Variants in SAMD8 observed in about 807,000 individuals in gnomAD.
The protein encoded by SAMD8 is sphingomyelin synthase-related protein 1.
A neutral mutation model predicts 42.0 loss-of-function variants in SAMD8; 20 were observed. That is an observed-to-expected ratio of 0.48 (90% CI 0.34 to 0.69). The LOEUF is 0.69. SAMD8 is among the 30% of genes least tolerant of loss of function. The pLI is 0.01. For missense variants in SAMD8, 328 were observed against 511.6 expected (o/e 0.64, Z 3.46); for synonymous variants, 162 against 173.0 (o/e 0.94, Z 0.50).
intron 1 of SAMD8, among the ~76,000 whole-genome samples, chr10:75,104,255 A>G (rs1848357619): frequency 6.6e-6 from 1 of 152,106 alleles, no homozygotes; most frequent in Non-Finnish European, 1.5e-5. Context: ...AGAGATGAGG[A>G]GGTAGATTTG....
chr10:75,122,405 C>T (rs1158978631), intron 1 of SAMD8, among the ~76,000 whole-genome samples: 1 of 151,736 alleles, frequency 6.6e-6, no homozygotes, highest in Admixed American at 6.6e-5. Context: ...TGAGGTCAGG[C>T]ATTCGAGACC....
At chr10:75,172,328 G>A (rs1840887108) in intron 4 of SAMD8, among the ~76,000 whole-genome samples, 1 of 151,930 alleles carries the variant, frequency 6.6e-6, no homozygotes, top group Non-Finnish European at 1.5e-5. Context: ...AGATTTTATT[G>A]TATTTTAGTC....
intron 1 of SAMD8, 95 bp downstream of exon 1, chr10:75,111,817 G>A (rs1347915374): frequency 8.2e-7 from 1 of 1,225,698 alleles, no homozygotes; most frequent in African/African-American, 1.6e-5. Flanking sequence ...GGGCTGCCGA[G>A]GGACCGCGAC....
intron 1 of SAMD8, among the ~76,000 whole-genome samples, chr10:75,133,335 G>A (rs541795934): frequency 1.4e-4 from 21 of 152,058 alleles, no homozygotes; most frequent in African/African-American, 3.6e-4. Flanking sequence ...CCTGACAAGC[G>A]GTGGTTGCAG....
intron 1 of SAMD8, among the ~76,000 whole-genome samples, chr10:75,135,783 G>A (rs980105149): frequency 5.9e-5 from 9 of 151,440 alleles, no homozygotes; most frequent in African/African-American, 1.9e-4. Context: ...CTGAGATCGC[G>A]CCACTACACT....
At position 75,180,862 on chromosome 10, in the gene SAMD8, T is replaced by C. The variant is rs1841070612; in HGVS notation, c.*4170T>C. On this transcript the variant is annotated 3_prime_UTR_variant, in exon 6 of 6. Transcript: ENST00000542569. Reference sequence around the variant, plus strand: ...TTACTCATGTATTCACAAAGTCATATTTATAACACTAGTCTTCTTTGACTG... The same window carrying C: ...TTACTCATGTATTCACAAAGTCATACTTATAACACTAGTCTTCTTTGACTG... The C allele has an allele frequency of 6.6e-6, 1 of 152,226 alleles. No individual in the cohort carries two copies. Among genetic ancestry groups the C allele is most frequent in the African/African-American group, 2.4e-5 (1 of 41,456 alleles). 9.4% of individuals were successfully genotyped at this position (152,226 alleles called of 1,614,324 possible). A position where few individuals can be genotyped will look rare whatever the true frequency, so the allele number is the denominator to read the frequency against.
chr10:75,102,361 T>C (rs1848221822), intron 1 of SAMD8, among the ~76,000 whole-genome samples: 1 of 151,830 alleles, frequency 6.6e-6, no homozygotes, highest in African/African-American at 2.4e-5. Flanking sequence ...GAGAATGGCG[T>C]GAACCCGGGA....
chr10:75,150,300 T>C, intron 1 of SAMD8: 1 of 193,468 alleles, frequency 5.2e-6, no homozygotes, highest in Non-Finnish European at 8.0e-6. Context: ...TTTTTTTTTT[T>C]GGTAGAGATA....
intron 1 of SAMD8, among the ~76,000 whole-genome samples, chr10:75,129,393 A>T (rs1397987814): frequency 6.6e-6 from 1 of 152,096 alleles, no homozygotes; most frequent in Non-Finnish European, 1.5e-5. Flanking sequence ...GGCATGCACC[A>T]CCACACCCAG....
intron 1 of SAMD8, among the ~76,000 whole-genome samples, chr10:75,105,072 A>G (rs1471165566): frequency 6.6e-6 from 1 of 152,166 alleles, no homozygotes; most frequent in Non-Finnish European, 1.5e-5. Flanking sequence ...AAGGAGTTGT[A>G]GAGGAAGCAG....
chr10:75,161,417 A>G (rs1272777670), intron 2 of SAMD8, among the ~76,000 whole-genome samples: 16 of 152,136 alleles, frequency 1.1e-4, no homozygotes, highest in Admixed American at 1.0e-3. Context: ...GCGCACCCTG[A>G]GTGCGCAGAG....
chr10:75,134,042 C>T lies in SAMD8; in HGVS notation c.-15-16472C>T, dbSNP rs148608629. ...GCTGCAGTGAACATACGTGTGCATG[C>T]ATCTTTATAATAGAATGATTTATAT... On this transcript the variant is annotated intron_variant, in intron 1 of 5. Coordinates refer to ENST00000542569, the MANE Select transcript of SAMD8 (RefSeq NM_001174156.2). Among the ~76,000 whole-genome samples, 1,410 of 152,186 alleles carry T rather than the reference C, an allele frequency of 9.3e-3. 16 individuals carry two copies. Among genetic ancestry groups the T allele is most frequent in the African/African-American group, 0.032 (1,314 of 41,510 alleles).
intron 1 of SAMD8, among the ~76,000 whole-genome samples, chr10:75,117,987 CT>C (rs1437876461): frequency 1.3e-5 from 2 of 152,074 alleles, no homozygotes; most frequent in Non-Finnish European, 2.9e-5. Context: ...GTGTAGATAA[CT>C]TGGTGCAGCC....
intron 1 of SAMD8, among the ~76,000 whole-genome samples, chr10:75,134,403 G>A (rs1244847426): frequency 6.6e-6 from 1 of 152,198 alleles, no homozygotes; most frequent in Non-Finnish European, 1.5e-5. Flanking sequence ...GAGAGGCCGA[G>A]GCCGGCGGAT....
chr10:75,173,455 T>G (rs1840915943), intron 4 of SAMD8, among the ~76,000 whole-genome samples: 1 of 152,182 alleles, frequency 6.6e-6, no homozygotes, highest in Non-Finnish European at 1.5e-5. Flanking sequence ...TGTGTTTCAG[T>G]TTTTATTTTT....
intron 1 of SAMD8, among the ~76,000 whole-genome samples, chr10:75,116,306 A>G (rs191551353): frequency 3.9e-5 from 6 of 152,184 alleles, no homozygotes; most frequent in Admixed American, 1.3e-4. Flanking sequence ...GGTATCAGCT[A>G]TGTTGACCAG....
At chr10:75,108,920 T>G, upstream of SAMD8, 2 of 1,493,310 alleles carry the variant, frequency 1.3e-6, no homozygotes. Context: ...CTATTTCTCC[T>G]TGTTTCCACC....
intron 1 of SAMD8, among the ~76,000 whole-genome samples, chr10:75,130,141 T>C (rs1849241690): frequency 6.6e-6 from 1 of 152,076 alleles, no homozygotes; most frequent in Admixed American, 6.6e-5. Flanking sequence ...ATGGTGAATA[T>C]CATAATGTCT....
At chr10:75,169,721 C>T (rs149178407) in intron 4 of SAMD8, among the ~76,000 whole-genome samples, 20 of 152,138 alleles carry the variant, frequency 1.3e-4, no homozygotes, top group African/African-American at 4.1e-4. Context: ...AAAGACCCAG[C>T]GTGGCCAACA....
Sources: allele counts gnomAD v4.1 joint callset (sites outside exome capture counted in the v4.1 genomes callset), GRCh38; gene constraint gnomAD v4.1.1; transcripts MANE v1.5; gene names NCBI Gene and HGNC (gene_info 2026-07-23, HGNC 2026-07-21).